Variants in PALB2 observed in about 807,000 individuals in gnomAD.
The protein encoded by PALB2 is mutant partner and localizer of BRCA2.
A neutral mutation model predicts 107.4 loss-of-function variants in PALB2; 82 were observed. That is an observed-to-expected ratio of 0.76 (90% CI 0.64 to 0.92). The LOEUF (loss-of-function observed/expected upper bound fraction) is 0.92. Among genes scored for constraint, PALB2 ranks in the 40% least tolerant of loss-of-function variants. The probability of loss-of-function intolerance (pLI) is 0.00; values close to 1 mark genes in which losing one functional copy is unlikely to be tolerated. For synonymous variants in PALB2, 489 were observed against 496.8 expected (o/e 0.98, Z 0.21); for missense variants, 1,374 against 1,379.9 (o/e 1.00, Z 0.07).
At chr16:23,606,486 C>CA (rs1966477035) in intron 12 of PALB2, among the ~76,000 whole-genome samples, 1 of 151,952 alleles carries the variant, frequency 6.6e-6, no homozygotes, top group African/African-American at 2.4e-5. Context: ...GCATAAGGTC[C>CA]AAAAAAACAT....
rs1306677139 is a variant in PALB2, at chr16:23,635,380, AGAG to A, written c.1163_1165del (p.Pro388del). ...TGTGCAAGAATGTTTTTCTGCAGAA[AGAG>A]GAGAGGTTGCTTCCAGGCTAAGACT... On this transcript the variant is annotated inframe_deletion, in exon 4 of 13. Coordinates refer to ENST00000261584, the MANE Select transcript of PALB2 (RefSeq NM_024675.4). 6.2e-7 allele frequency: 1 copy of A among 1,614,024 alleles called. No individual in the cohort carries two copies. Among genetic ancestry groups the A allele is most frequent in the Admixed American group, 1.7e-5 (1 of 60,012 alleles).
At chr16:23,634,461 G>T (rs1379359077) in intron 4 of PALB2, among the ~76,000 whole-genome samples, 2 of 151,968 alleles carry the variant, frequency 1.3e-5, no homozygotes, top group African/African-American at 4.8e-5. Context: ...ATCAGCCTGG[G>T]CAACAGGGCA....
At chr16:23,634,050 C>T (rs1356040199) in intron 4 of PALB2, among the ~76,000 whole-genome samples, 1 of 152,124 alleles carries the variant, frequency 6.6e-6, no homozygotes, top group Non-Finnish European at 1.5e-5. Context: ...ACTTCAAAAA[C>T]ACTTTCTATG....
intron 11 of PALB2, among the ~76,000 whole-genome samples, chr16:23,611,461 TTATTA>T (rs1966586427): frequency 6.9e-6 from 1 of 143,958 alleles, no homozygotes; most frequent in African/African-American, 2.7e-5. Context: ...ATTATTATTA[TTATTA>T]TTTTTTTTTG....
chr16:23,616,032 A>C (rs1471892431), intron 10 of PALB2, among the ~76,000 whole-genome samples: 1 of 152,102 alleles, frequency 6.6e-6, no homozygotes, highest in Non-Finnish European at 1.5e-5. Context: ...ATTTCCTGAA[A>C]TCTTTCTGCC....
chr16:23,636,420 T>C, intron 3 of PALB2, 86 bp from the exon 4 acceptor site: 1 of 864,754 alleles, frequency 1.2e-6, no homozygotes, highest in East Asian at 2.8e-5. Flanking sequence ...TATATATAAA[T>C]ACTACTAAAC....
chr16:23,627,646 T>C (rs1466751855), intron 6 of PALB2, among the ~76,000 whole-genome samples: 4 of 152,094 alleles, frequency 2.6e-5, no homozygotes, highest in African/African-American at 9.7e-5. Context: ...TTTACAGTTA[T>C]CCTGTTTATT....
Position 23,635,650 on chromosome 16 carries a change from G to A in PALB2, c.896C>T (p.Ser299Phe), listed in dbSNP as rs1967011427. Residue 299 changes from serine (S) to phenylalanine (F), a missense_variant, in exon 4 of 13, where the codon TCT becomes TTT. Transcript: ENST00000261584. ...LEAQGKKMTV[S>F]TDNLLVNKAI... ...TTTATTTACAAGGAGGTTATCTGTA[G>A]AGACAGTCATTTTTTTGCCTTGTGC... 6.2e-7 allele frequency: 1 copy of A among 1,614,048 alleles called. No individual in the cohort carries two copies. The highest frequency in any genetic ancestry group is 8.5e-7 in the Non-Finnish European group (1 of 1,179,914).
chr16:23,622,909 A>C, intron 9 of PALB2, 60 bp downstream of exon 9: 1 of 1,601,860 alleles, frequency 6.2e-7, no homozygotes, highest in Non-Finnish European at 8.5e-7. Flanking sequence ...ACTTTCTCTG[A>C]AACCTGTGAT....
At chr16:23,640,989 AGAG>A in intron 1 of PALB2, 118 bp downstream of exon 1, 1 of 1,108,588 alleles carries the variant, frequency 9.0e-7, no homozygotes, top group East Asian at 2.6e-5. Context: ...CTCAGCCCTA[AGAG>A]GAGGGGGTGG....
Position 23,629,196 on chromosome 16 carries a change from C to G in PALB2, c.2586+8G>C, listed in dbSNP as rs1060504708. 4 of 1,603,488 alleles carry G rather than the reference C, an allele frequency of 2.5e-6. No homozygotes were observed. Among genetic ancestry groups the G allele is most frequent in the Non-Finnish European group, 2.6e-6 (3 of 1,170,778 alleles). Reference sequence around the variant, plus strand: ...ACACGAGACACTGGAAGAGAATATTCTTCTGACCTTTAACTCTGAAACCAA... The same window carrying G: ...ACACGAGACACTGGAAGAGAATATTGTTCTGACCTTTAACTCTGAAACCAA... On this transcript the variant is annotated splice_region_variant and intron_variant, in intron 6 of 12. Coordinates refer to ENST00000261584, the MANE Select transcript of PALB2 (RefSeq NM_024675.4).
intron 4 of PALB2, 80 bp from the exon 5 acceptor site, chr16:23,630,549 T>C: frequency 5.5e-6 from 6 of 1,086,048 alleles, no homozygotes; most frequent in South Asian, 4.2e-5. Flanking sequence ...ACAAAGAGAA[T>C]AGGATCTCCT....
chr16:23,625,622 CCGT>C (rs940077268), intron 7 of PALB2, among the ~76,000 whole-genome samples: 1 of 151,910 alleles, frequency 6.6e-6, no homozygotes, highest in African/African-American at 2.4e-5. Context: ...TGGCAAAATC[CCGT>C]CTCTACTAAA....
rs141749524 is a variant in PALB2, at chr16:23,629,926, T to C, written c.2228A>G (p.Tyr743Cys). ...AGCAACTTCTGTAGATGCTTTTTCA[T>C]AGGAGCCTTGAGGGCCAAAGGCTGG... ...TTPAFGPQGS[Y>C]EKASTEVAGR... Residue 743 changes from tyrosine to cysteine, a missense_variant, in exon 5 of 13, where the codon TAT becomes TGT. Physicochemically the swap from Tyr to Cys is radical, Grantham distance 194. Transcript: ENST00000261584. 1.5e-4 allele frequency: 245 copies of C among 1,614,154 alleles called. No homozygotes were observed. The East Asian group carries it at 5.3e-3, about 35-fold the overall frequency.
At chr16:23,631,579 G>A (rs1340476790) in intron 4 of PALB2, among the ~76,000 whole-genome samples, 1 of 152,090 alleles carries the variant, frequency 6.6e-6, no homozygotes, top group Admixed American at 6.6e-5. Flanking sequence ...ACAGTGTATG[G>A]TCAATAGTAT....
At chr16:23,640,990 G>A (rs1967222293) in intron 1 of PALB2, 120 bp downstream of exon 1, 3 of 1,133,680 alleles carry the variant, frequency 2.6e-6, no homozygotes, top group Non-Finnish European at 3.8e-6. Flanking sequence ...TCAGCCCTAA[G>A]AGGAGGGGGT....
In PALB2 at chr16:23,623,262, G is replaced by C. The variant is rs545488036; in HGVS notation, c.2835-132C>G. The C allele has an allele frequency of 1.2e-4, 100 of 818,806 alleles. 1 individual carries two copies. In the South Asian group the frequency reaches 1.5e-3, roughly 13 times the overall value. 50.7% of individuals were successfully genotyped at this position (818,806 alleles called of 1,614,324 possible). Reference sequence around the variant, plus strand: ...TCTGTCGCCTAGGCTGGAGTGCAGTGGCACAATCTTGGCTCACTGCAACTC... The same window carrying C: ...TCTGTCGCCTAGGCTGGAGTGCAGTCGCACAATCTTGGCTCACTGCAACTC... On this transcript the variant is annotated intron_variant, in intron 8 of 12. Coordinates refer to ENST00000261584, the MANE Select transcript of PALB2 (RefSeq NM_024675.4).
chr16:23,607,506 A>G (rs757261160), intron 12 of PALB2: 1 of 328,472 alleles, frequency 3.0e-6, no homozygotes, highest in Non-Finnish European at 6.0e-6. Context: ...CTGTTGTCCA[A>G]GTTGGTCTCA....
At chr16:23,640,368 G>C in intron 1 of PALB2, 1 of 204,782 alleles carries the variant, frequency 4.9e-6, no homozygotes, top group East Asian at 7.5e-5. Flanking sequence ...GCCAGGTGCA[G>C]TGGCGGGTTC....
Sources: allele counts gnomAD v4.1 joint callset (sites outside exome capture counted in the v4.1 genomes callset), GRCh38; gene constraint gnomAD v4.1.1; transcripts MANE v1.5; gene names NCBI Gene and HGNC (gene_info 2026-07-23, HGNC 2026-07-21).